PRKCE: variants seen among roughly 807,000 people sequenced by gnomAD.
The protein encoded by PRKCE is protein kinase C epsilon, also known as protein kinase C epsilon type.
A neutral mutation model predicts 85.4 loss-of-function variants in PRKCE; 16 were observed. The observed-to-expected ratio is 0.19, with a 90% CI of 0.13 to 0.28. The LOEUF is 0.28. PRKCE is among the 10% of genes least tolerant of loss of function. The pLI, the probability that PRKCE is intolerant of heterozygous loss-of-function variation, is 1.00. For missense variants in PRKCE, 573 were observed against 975.2 expected, an observed-to-expected ratio of 0.59 and a Z score of 5.49; for synonymous variants, 388 against 371.5, an observed-to-expected ratio of 1.04 and a Z score of -0.51.
chr2:45,931,051 C>T (rs1699007078), intron 2 of PRKCE, among the ~76,000 whole-genome samples: 1 of 152,188 alleles, frequency 6.6e-6, no homozygotes, highest in Non-Finnish European at 1.5e-5. Context: ...CTACTGTCCC[C>T]ATTTTCAGGT....
chr2:45,692,263 A>G (rs1677787922), intron 1 of PRKCE, among the ~76,000 whole-genome samples: 1 of 152,282 alleles, frequency 6.6e-6, no homozygotes, highest in Admixed American at 6.5e-5. Context: ...ACTTCTGGAA[A>G]CTAGAAGTCC....
intron 2 of PRKCE, among the ~76,000 whole-genome samples, chr2:45,917,150 A>G (rs1164446734): frequency 2.0e-5 from 3 of 152,206 alleles, no homozygotes; most frequent in Non-Finnish European, 4.4e-5. Flanking sequence ...CTGTTTTGAC[A>G]GGGCGCTGAT....
At chr2:45,677,352 G>GC (rs1676540307) in intron 1 of PRKCE, among the ~76,000 whole-genome samples, 1 of 140,836 alleles carries the variant, frequency 7.1e-6, no homozygotes, top group Non-Finnish European at 1.5e-5. Flanking sequence ...TGTTGTTGTT[G>GC]TTTTTTTTTT....
chr2:45,724,318 A>G (rs190789630), intron 1 of PRKCE, among the ~76,000 whole-genome samples: 9 of 152,320 alleles, frequency 5.9e-5, no homozygotes, highest in Admixed American at 4.6e-4. Context: ...TAAGATGGTG[A>G]ACTTAATTGA....
chr2:46,029,638 A>T (rs1037836151), intron 10 of PRKCE, among the ~76,000 whole-genome samples: 3 of 151,508 alleles, frequency 2.0e-5, no homozygotes, highest in African/African-American at 7.3e-5. Flanking sequence ...CTGTTCATGC[A>T]TCGCTAATTG....
chr2:45,849,575 C>G (rs1259142210), intron 2 of PRKCE, among the ~76,000 whole-genome samples: 2 of 152,150 alleles, frequency 1.3e-5, no homozygotes, highest in African/African-American at 4.8e-5. Flanking sequence ...GACCTCAAAG[C>G]CAGACACCAG....
intron 1 of PRKCE, among the ~76,000 whole-genome samples, chr2:45,667,791 C>A (rs562385768): frequency 1.7e-4 from 26 of 150,860 alleles, no homozygotes; most frequent in African/African-American, 5.6e-4. Context: ...TATGTTTTAA[C>A]TTCAAAAAAA....
Position 46,155,869 on chromosome 2 carries a change from C to T in PRKCE, c.1921-3737C>T, listed in dbSNP as rs188524685. On this transcript the variant is annotated intron_variant, in intron 13 of 14. Transcript: ENST00000306156. The surrounding 1 kb of genome is among the most constrained non-coding windows in gnomAD (Gnocchi z 4.7). ...ACTGCAGGACCTCCTAACGGGCAGC[C>T]CTTCTTGTGTCCTTCTCATCTCTGT... 6.6e-6 allele frequency among the ~76,000 whole-genome samples: 1 copy of T among 152,118 alleles called. No homozygotes were observed.
rs753516084 is a variant in PRKCE at position 45,652,092 on chromosome 2, G to A, written c.-9G>A. ...GGAGTGACCCCGGCCCCCACTCCCC[G>A]CCCCGACCATGGTAGTGTTCAATGG... On this transcript the variant is annotated 5_prime_UTR_variant, in exon 1 of 15. Coordinates refer to ENST00000306156, the MANE Select transcript of PRKCE (RefSeq NM_005400.3). The surrounding 1 kb of genome is among the most constrained non-coding windows in gnomAD (Gnocchi z 7.7). 39 of 606,146 alleles carry A rather than the reference G, an allele frequency of 6.4e-5. No individual in the cohort carries two copies. The East Asian group carries it at 1.3e-3, about 20-fold the overall frequency. 37.5% of individuals were successfully genotyped at this position (606,146 alleles called of 1,614,324 possible). A position where few individuals can be genotyped will look rare whatever the true frequency, so the allele number is the denominator to read the frequency against.
intron 10 of PRKCE, among the ~76,000 whole-genome samples, chr2:46,039,520 G>T (rs866562559): frequency 9.9e-5 from 15 of 151,802 alleles, no homozygotes; most frequent in Middle Eastern, 3.4e-3. Context: ...GGGTTTTTTT[G>T]TTGTTGTTTT....
At chr2:46,148,491 C>T (rs2104508879) in intron 12 of PRKCE, among the ~76,000 whole-genome samples, 1 of 152,350 alleles carries the variant, frequency 6.6e-6, no homozygotes. Flanking sequence ...TCCCCACCCC[C>T]TGAAGGCACA....
chr2:46,103,518 A>G (rs1460424519), intron 11 of PRKCE, among the ~76,000 whole-genome samples: 1 of 152,222 alleles, frequency 6.6e-6, no homozygotes, highest in Non-Finnish European at 1.5e-5. Flanking sequence ...TATAATACAC[A>G]TATTAAGTAT....
In PRKCE at chr2:45,980,413, T is replaced by A. The variant is rs556371017; in HGVS notation, c.693+32T>A. The A allele has an allele frequency of 6.3e-6, 10 of 1,587,880 alleles. No individual in the cohort carries two copies. The South Asian group carries it at 9.9e-5, about 16-fold the overall frequency. On this transcript the variant is annotated intron_variant, in intron 5 of 14. Transcript: ENST00000306156. ...GTTGGTGACACGGAAATTCTGGGCT[T>A]CTTCACCGCCAGCCCCTCCCTTCAC...
chr2:46,077,678 A>G (rs1668679072), intron 10 of PRKCE, among the ~76,000 whole-genome samples: 1 of 152,214 alleles, frequency 6.6e-6, no homozygotes, highest in African/African-American at 2.4e-5. Flanking sequence ...TAAGGTGGTT[A>G]TTTTTGTTAT....
At chr2:45,926,973 C>T (rs976682480) in intron 2 of PRKCE, among the ~76,000 whole-genome samples, 1 of 150,986 alleles carries the variant, frequency 6.6e-6, no homozygotes, top group Non-Finnish European at 1.5e-5. Context: ...CATGTGTGAG[C>T]GTGCATGGGA....
chr2:46,007,952 G>A (rs184520237), intron 9 of PRKCE, among the ~76,000 whole-genome samples: 7 of 152,294 alleles, frequency 4.6e-5, no homozygotes, highest in South Asian at 2.1e-4. Context: ...AAGCACTTTG[G>A]AAAGTTTTAA....
At chr2:46,057,590 T>C (rs1255474382) in intron 10 of PRKCE, among the ~76,000 whole-genome samples, 3 of 152,048 alleles carry the variant, frequency 2.0e-5, no homozygotes, top group Non-Finnish European at 4.4e-5. Flanking sequence ...GCCACCACCA[T>C]GCCCGGCTGA....
intron 10 of PRKCE, among the ~76,000 whole-genome samples, chr2:46,042,567 G>A (rs967658627): frequency 1.1e-4 from 17 of 152,222 alleles, no homozygotes; most frequent in Non-Finnish European, 1.6e-4. Context: ...GGAAAAGCAT[G>A]GCCGAGACCT....
chr2:45,653,278 A>G (rs1163908810), intron 1 of PRKCE, among the ~76,000 whole-genome samples: 1 of 151,688 alleles, frequency 6.6e-6, no homozygotes. Flanking sequence ...TCTTGTCTCA[A>G]TCTACTATAA....
Sources: allele counts gnomAD v4.1 joint callset (sites outside exome capture counted in the v4.1 genomes callset), GRCh38; gene constraint gnomAD v4.1.1; non-coding constraint Gnocchi (gnomAD v3.1); transcripts MANE v1.5; gene names NCBI Gene and HGNC (gene_info 2026-07-23, HGNC 2026-07-21).